Variants in SLIT3 observed in about 807,000 individuals in gnomAD.
The protein encoded by SLIT3 is slit guidance ligand 3.
A neutral mutation model predicts 184.0 loss-of-function variants in SLIT3; 68 were observed. The ratio of observed to expected loss-of-function variants is 0.37; its 90% CI spans 0.30 to 0.45. SLIT3 has a LOEUF of 0.45. Ranked by LOEUF, SLIT3 falls within the 20% of genes least tolerant of loss-of-function variation. The pLI is 1.00. For synonymous variants in SLIT3, 831 were observed against 828.6 expected (o/e 1.00, Z -0.05); for missense variants, 1,707 against 2,026.0 (o/e 0.84, Z 3.02).
At chr5:168,972,337 ATGTGTGTG>A (rs60588036) in intron 4 of SLIT3, among the ~76,000 whole-genome samples, 24 of 118,250 alleles carry the variant, frequency 2.0e-4, no homozygotes, top group African/African-American at 3.0e-4. Flanking sequence ...GCAGGACAAC[ATGTGTGTG>A]TGTGTGTGTG....
intron 4 of SLIT3, among the ~76,000 whole-genome samples, chr5:168,919,764 G>A (rs1002802311): frequency 6.6e-6 from 1 of 151,934 alleles, no homozygotes; most frequent in Non-Finnish European, 1.5e-5. Flanking sequence ...ACTCCAAAAG[G>A]CTTTACTTTT....
intron 35 of SLIT3, among the ~76,000 whole-genome samples, chr5:168,668,407 G>GGTTTC (rs1761123091): frequency 6.6e-6 from 1 of 152,092 alleles, no homozygotes; most frequent in South Asian, 2.1e-4. Flanking sequence ...GAGTGGCTAG[G>GGTTTC]GTTTCATTAG....
intron 4 of SLIT3, among the ~76,000 whole-genome samples, chr5:168,977,748 T>G: frequency 6.6e-6 from 1 of 152,180 alleles, no homozygotes; most frequent in East Asian, 1.9e-4. Context: ...AATGCTTTTT[T>G]TTTTAAGTTA....
intron 12 of SLIT3, among the ~76,000 whole-genome samples, chr5:168,777,865 T>G (rs1293873745): frequency 6.6e-6 from 1 of 152,210 alleles, no homozygotes; most frequent in East Asian, 1.9e-4. Context: ...GGCTGGCAGC[T>G]AGTCAACTCA....
chr5:168,918,264 G>A (rs1461295143), intron 4 of SLIT3, among the ~76,000 whole-genome samples: 1 of 152,144 alleles, frequency 6.6e-6, no homozygotes, highest in African/African-American at 2.4e-5. Flanking sequence ...ATTTAAAAAC[G>A]ACTTGAGAGT....
chr5:169,036,314 C>T (rs1423128011), intron 4 of SLIT3: 1 of 152,164 alleles, frequency 6.6e-6, no homozygotes, highest in African/African-American at 2.4e-5. Context: ...GATGAATACA[C>T]CTAGGGAATC....
At chr5:169,052,341 G>A (rs115820595) in intron 4 of SLIT3, among the ~76,000 whole-genome samples, 2,483 of 152,198 alleles carry the variant, frequency 0.016, 76 homozygotes, top group African/African-American at 0.056. Flanking sequence ...TTGCTCAGAG[G>A]TCATGAGGCC....
intron 4 of SLIT3, among the ~76,000 whole-genome samples, chr5:169,052,738 G>A (rs1757859493): frequency 1.3e-5 from 2 of 152,122 alleles, no homozygotes; most frequent in Admixed American, 6.5e-5. Context: ...AGGTTGAACT[G>A]GGTTTTAAGT....
chr5:169,267,339 G>A (rs1259889634), intron 1 of SLIT3, among the ~76,000 whole-genome samples: 1 of 152,164 alleles, frequency 6.6e-6, no homozygotes, highest in Non-Finnish European at 1.5e-5. Flanking sequence ...TACTCAAAAA[G>A]TTTAGCTAAA....
intron 3 of SLIT3, among the ~76,000 whole-genome samples, chr5:169,196,364 A>G (rs1763742481): frequency 6.6e-6 from 1 of 152,168 alleles, no homozygotes; most frequent in African/African-American, 2.4e-5. Context: ...GAAGCAAGCT[A>G]TCTAGCCCTT....
At chr5:168,701,463 C>A (rs977977277) in intron 26 of SLIT3, among the ~76,000 whole-genome samples, 6 of 152,148 alleles carry the variant, frequency 3.9e-5, no homozygotes, top group Non-Finnish European at 7.4e-5. Context: ...TGGAGCAGGC[C>A]CCTCTGAAGG....
intron 4 of SLIT3, among the ~76,000 whole-genome samples, chr5:168,931,022 C>T (rs1437328444): frequency 1.3e-5 from 2 of 152,168 alleles, no homozygotes; most frequent in Admixed American, 6.5e-5. Flanking sequence ...CCTTCGTCTC[C>T]CCCTCTCCTG....
intron 31 of SLIT3, among the ~76,000 whole-genome samples, chr5:168,684,403 T>G (rs991749161): frequency 2.6e-5 from 4 of 152,234 alleles, no homozygotes; most frequent in African/African-American, 9.6e-5. Flanking sequence ...CTCCCTCTGG[T>G]GCATAACATG....
chr5:168,757,865 T>A (rs1755005936), intron 16 of SLIT3, among the ~76,000 whole-genome samples: 2 of 152,196 alleles, frequency 1.3e-5, no homozygotes, highest in African/African-American at 4.8e-5. Context: ...ATATTTCTGA[T>A]CCACATCATA....
At chr5:168,879,408 T>C (rs1031059444) in intron 5 of SLIT3, among the ~76,000 whole-genome samples, 1 of 152,228 alleles carries the variant, frequency 6.6e-6, no homozygotes, top group Non-Finnish European at 1.5e-5. Context: ...GAGGAGTGTT[T>C]CCTTAGCAGG....
chr5:169,144,982 G>A (rs956098622), intron 4 of SLIT3, among the ~76,000 whole-genome samples: 1 of 152,080 alleles, frequency 6.6e-6, no homozygotes, highest in African/African-American at 2.4e-5. Flanking sequence ...TGGGCTTTTT[G>A]TCTTCACCTT....
intron 4 of SLIT3, among the ~76,000 whole-genome samples, chr5:169,176,490 G>A (rs1178804336): frequency 6.6e-6 from 1 of 152,160 alleles, no homozygotes; most frequent in Non-Finnish European, 1.5e-5. Context: ...CAGAGTAAGT[G>A]ATAACCATCC....
chr5:168,667,357 T>G (rs1025715264), intron 35 of SLIT3, among the ~76,000 whole-genome samples: 6 of 152,228 alleles, frequency 3.9e-5, no homozygotes, highest in African/African-American at 7.2e-5. Context: ...ACAGTATATG[T>G]TTTTGTATGC....
chr5:169,191,331 G>T (rs1367762804), intron 4 of SLIT3, among the ~76,000 whole-genome samples: 1 of 152,186 alleles, frequency 6.6e-6, no homozygotes, highest in East Asian at 1.9e-4. Context: ...ATACCAAAAT[G>T]AGTCAAATAC....
Sources: allele counts gnomAD v4.1 joint callset (sites outside exome capture counted in the v4.1 genomes callset), GRCh38; gene constraint gnomAD v4.1.1; transcripts MANE v1.5; gene names NCBI Gene and HGNC (gene_info 2026-07-23, HGNC 2026-07-21).